NXF1: variants seen among roughly 807,000 people sequenced by gnomAD.
NXF1 encodes the protein nuclear RNA export factor 1, also known as mRNA export factor TAP.
In NXF1, 43 loss-of-function variants were observed where a neutral mutation model predicts 92.4. The ratio of observed to expected loss-of-function variants is 0.47; its 90% CI spans 0.36 to 0.60. The LOEUF is 0.60. NXF1 is among the 20% of genes least tolerant of loss of function. The pLI, the probability that NXF1 is intolerant of heterozygous loss-of-function variation, is 0.00. For missense variants in NXF1, 576 were observed against 793.0 expected, an observed-to-expected ratio of 0.73 and a Z score of 3.29; for synonymous variants, 288 against 292.2, an observed-to-expected ratio of 0.99 and a Z score of 0.15.
chr11:62,803,594 A>G, intron 2 of NXF1, 22 bp from the exon 3 acceptor site: 1 of 1,613,536 alleles, frequency 6.2e-7, no homozygotes, highest in Non-Finnish European at 8.5e-7. Flanking sequence ...CAGAGAATAA[A>G]ATGACCACAA....
At chr11:62,804,179 C>G in intron 1 of NXF1, 5 of 1,526,984 alleles carry the variant, frequency 3.3e-6, no homozygotes, top group Non-Finnish European at 4.4e-6. Flanking sequence ...TACTGGAAAA[C>G]TGTGTAGGGC....
chr11:62,803,906 C>T lies in NXF1; in HGVS notation c.101G>A (p.Gly34Asp). ...KGRGPFRWKYGEGNRRSGRGG... is the reference protein window; with the variant it reads ...KGRGPFRWKYDEGNRRSGRGG... ...TCTTCCAGACCTACGGTTTCCTTCA[C>T]CATATTTCCACCGGAAGGGACCCCG... Residue 34 changes from glycine to aspartate, a missense_variant, in exon 2 of 21, where the codon GGT becomes GAT. Physicochemically the swap from Gly to Asp is moderately conservative, Grantham distance 94 (BLOSUM62 -1). Coordinates refer to ENST00000294172, the MANE Select transcript of NXF1 (RefSeq NM_006362.5). 1 of 1,614,216 alleles carries T rather than the reference C, an allele frequency of 6.2e-7. No homozygotes were observed. Among genetic ancestry groups the T allele is most frequent in the Non-Finnish European group, 8.5e-7 (1 of 1,180,044 alleles).
At chr11:62,796,752 C>T (rs1238794544) in intron 13 of NXF1, among the ~76,000 whole-genome samples, 185 bp from the exon 14 acceptor site, 7 of 151,528 alleles carry the variant, frequency 4.6e-5, no homozygotes, top group Non-Finnish European at 8.8e-5. Flanking sequence ...GGCAACATGG[C>T]GAAACCCTGT....
chr11:62,796,474 A>G lies in NXF1; in HGVS notation c.1272T>C (p.Pro424=). ...GTGATACTAACCGGGCAGGGTTCTG[A>G]GGAATGAAAGGAATGCTCAGGGAAC... The part of the protein sequence containing the change: ...ACCSLSIPFI[P]QNPARSSLAE... Residue 424 remains proline (P), a synonymous_variant, in exon 14 of 21, where the codon CCT becomes CCC. Coordinates refer to ENST00000294172, the MANE Select transcript of NXF1 (RefSeq NM_006362.5). 1 of 1,614,116 alleles carries G rather than the reference A, an allele frequency of 6.2e-7. No homozygotes were observed. Among genetic ancestry groups the G allele is most frequent in the Non-Finnish European group, 8.5e-7 (1 of 1,179,998 alleles).
Position 62,795,914 on chromosome 11 carries a change from T to A in NXF1, c.1491A>T (p.Gly497=). ...AAAGATTCTTACCTTCCTTGAAGAC[T>A]CCATTGACAGAAAAACACAGCAATG... ...TSTLLCFSVN[G]VFKEVDGKSR... is the part of the protein sequence containing the mutation. The change falls in exon 17 of 21, where the codon GGA becomes GGT. Residue 497 remains glycine, a synonymous_variant. Coordinates refer to ENST00000294172, the MANE Select transcript of NXF1 (RefSeq NM_006362.5). 1.9e-6 allele frequency: 3 copies of A among 1,613,804 alleles called. No individual in the cohort carries two copies. The highest frequency in any genetic ancestry group is 2.5e-6 in the Non-Finnish European group (3 of 1,179,990).
intron 10 of NXF1, 91 bp downstream of exon 10, chr11:62,800,286 A>G (rs1453074506): frequency 1.3e-6 from 2 of 1,588,000 alleles, no homozygotes; most frequent in Non-Finnish European, 1.7e-6. Flanking sequence ...AGGGCTGCAC[A>G]TCTCCGCAGA....
intron 11 of NXF1, among the ~76,000 whole-genome samples, chr11:62,798,219 G>A (rs1040566617): frequency 2.6e-5 from 4 of 151,544 alleles, no homozygotes; most frequent in Admixed American, 6.6e-5. Flanking sequence ...CCTGAGGTCA[G>A]GAATTCAAGG....
At chr11:62,803,336 T>G (rs576518236) in intron 3 of NXF1, 83 bp downstream of exon 3, 270 of 1,174,368 alleles carry the variant, frequency 2.3e-4, no homozygotes, top group Middle Eastern at 2.1e-3. Flanking sequence ...TAATAATAAT[T>G]TTTGTGGAAT....
At chr11:62,792,608 T>C in intron 20 of NXF1, 33 bp downstream of exon 20, 1 of 1,614,066 alleles carries the variant, frequency 6.2e-7, no homozygotes, top group Non-Finnish European at 8.5e-7. Flanking sequence ...CCAGAGATCC[T>C]AGTCTTTTTG....
At chr11:62,802,538 G>A (rs1338480197) in intron 3 of NXF1, among the ~76,000 whole-genome samples, 1 of 152,136 alleles carries the variant, frequency 6.6e-6, no homozygotes, top group Non-Finnish European at 1.5e-5. Context: ...CTAGGCTCAA[G>A]CGATCCTCCT....
chr11:62,794,165 C>CAAAA, intron 19 of NXF1, 93 bp downstream of exon 19: 1 of 1,039,816 alleles, frequency 9.6e-7, no homozygotes, highest in Non-Finnish European at 1.3e-6. Context: ...AACTTGTCTC[C>CAAAA]AAAAAAAAAA....
intron 18 of NXF1, 35 bp downstream of exon 18, chr11:62,794,899 AG>A: frequency 6.3e-7 from 1 of 1,592,312 alleles, no homozygotes; most frequent in Non-Finnish European, 8.6e-7. Context: ...GCCATGGATT[AG>A]GACTGGTATC....
chr11:62,803,410 A>G lies in NXF1; in HGVS notation c.369+9T>C, dbSNP rs2134781125. ...TCTACTGTACCATCTACTTTCTCAA[A>G]GTACTCACTGTAATCTTGAACCAGT... is the stretch of plus-strand genomic sequence containing the variant. On this transcript the variant is annotated intron_variant, in intron 3 of 20. Coordinates refer to ENST00000294172, the MANE Select transcript of NXF1 (RefSeq NM_006362.5). The G allele has an allele frequency of 2.5e-6, 4 of 1,613,068 alleles. No homozygotes were observed. The highest frequency in any genetic ancestry group is 1.8e-4 in the Middle Eastern group (1 of 5,598).
intron 1 of NXF1, 33 bp downstream of exon 1, chr11:62,805,296 T>G: frequency 6.3e-7 from 1 of 1,590,050 alleles, no homozygotes. Context: ...GCGCCCCAGA[T>G]AGCCAGTTCC....
intron 8 of NXF1, 61 bp from the exon 9 acceptor site, chr11:62,801,262 C>A: frequency 6.2e-7 from 1 of 1,602,744 alleles, no homozygotes; most frequent in Non-Finnish European, 8.5e-7. Context: ...GACGAATCTG[C>A]CCTCCAGCCA....
chr11:62,798,865 G>GC, intron 10 of NXF1: 4 of 1,232,126 alleles, frequency 3.2e-6, no homozygotes, highest in Non-Finnish European at 4.1e-6. Flanking sequence ...TCCCCTCCCT[G>GC]CCCCCCTTAC....
In NXF1 at chr11:62,792,672, G is replaced by A; in HGVS notation, c.1790C>T (p.Thr597Ile). ...ATGAGTGAAGGCCTGGGCAGATCTG[G>A]TGTAGTCCCAGTTGTTGTCCTGAAG... ...KCLQDNNWDY[T>I]RSAQAFTHLK... is the part of the protein sequence containing the mutation. Residue 597 changes from threonine (T) to isoleucine (I), a missense_variant, in exon 20 of 21, where the codon ACC becomes ATC. Thr to Ile is a moderately conservative substitution (Grantham distance 89). This residue lies in a region of NXF1 where 425 missense variants were observed against 635.2 expected (regional missense o/e 0.67). Transcript: ENST00000294172. 4 of 1,614,170 alleles carry A rather than the reference G, an allele frequency of 2.5e-6. No individual in the cohort carries two copies. The South Asian group carries it at 4.4e-5, about 18-fold the overall frequency.
chr11:62,801,817 T>G lies in NXF1; in HGVS notation c.561A>C (p.Ile187=). The G allele has an allele frequency of 6.2e-7, 1 of 1,613,132 alleles. No homozygotes were observed. Among genetic ancestry groups the G allele is most frequent in the East Asian group, 2.2e-5 (1 of 44,864 alleles). ...YKILDRENRR[I]SIIINSSAPP... ...GAGCAGAAGAGTTGATGATGATAGATATCTGGAGGGAAGACACAGAGGGCA... is the reference window on the plus strand; with the variant it reads ...GAGCAGAAGAGTTGATGATGATAGAGATCTGGAGGGAAGACACAGAGGGCA... The change falls in exon 6 of 21, where the codon ATA becomes ATC. Residue 187 remains isoleucine (I), a splice_region_variant and synonymous_variant. Transcript: ENST00000294172.
chr11:62,801,594 G>C lies in NXF1; in HGVS notation c.677C>G (p.Ala226Gly), dbSNP rs1445850357. 2 of 1,614,156 alleles carry C rather than the reference G, an allele frequency of 1.2e-6. No homozygotes were observed. Among genetic ancestry groups the C allele is most frequent in the Non-Finnish European group, 1.7e-6 (2 of 1,180,034 alleles). ...TGAACGGAGGCCTTTGAGGTCAAGG[G>C]CTTGTTGGGAGCCATCGTATCGTTT... is the stretch of plus-strand genomic sequence containing the variant. ...MSKRYDGSQQALDLKGLRSDP... is the reference protein window; with the variant it reads ...MSKRYDGSQQGLDLKGLRSDP... Residue 226 changes from alanine to glycine, a missense_variant, in exon 7 of 21, where the codon GCC becomes GGC. Around this residue, in one of 2 missense-constraint regions of NXF1, gnomAD observed 425 missense variants for 635.2 expected, o/e 0.67. Transcript: ENST00000294172.
Sources: gnomAD v4.1 joint callset for allele counts (sites outside exome capture counted in the v4.1 genomes callset) on GRCh38, gnomAD v4.1.1 for gene constraint, gnomAD v4.1.1 regional missense constraint, MANE v1.5 for transcripts, NCBI Gene and HGNC (gene_info 2026-07-23, HGNC 2026-07-21) for gene names.